The following PCDHA3 variants were observed in gnomAD, a reference collection of about 807,000 sequenced individuals.
PCDHA3 encodes the protein protocadherin alpha 3.
Under a neutral mutation model 62.2 loss-of-function variants are expected in PCDHA3, and 41 were observed. That is an observed-to-expected ratio of 0.66 (90% CI 0.51 to 0.86). PCDHA3 has a LOEUF of 0.86. PCDHA3 is among the 40% of genes least tolerant of loss of function. The pLI, the probability that PCDHA3 is intolerant of heterozygous loss-of-function variation, is 0.00. For missense variants in PCDHA3, 1,304 were observed against 1,241.2 expected (o/e 1.05, Z -0.76); for synonymous variants, 640 against 555.4 (o/e 1.15, Z -2.14).
At chr5:140,987,119 CAGG>C (rs1258206409) in intron 3 of PCDHA3, among the ~76,000 whole-genome samples, 2 of 151,448 alleles carry the variant, frequency 1.3e-5, no homozygotes, top group Non-Finnish European at 2.9e-5. Flanking sequence ...GAGGCTGAGG[CAGG>C]AGAATTGCTT....
chr5:140,990,649 T>C (rs1465284882), intron 3 of PCDHA3, among the ~76,000 whole-genome samples: 1 of 152,212 alleles, frequency 6.6e-6, no homozygotes, highest in African/African-American at 2.4e-5. Context: ...TCAGCCAGTA[T>C]GAATGATTTA....
At chr5:140,873,718 T>C (rs1259445115) in intron 1 of PCDHA3, among the ~76,000 whole-genome samples, 1 of 152,216 alleles carries the variant, frequency 6.6e-6, no homozygotes, top group East Asian at 1.9e-4. Context: ...TGGTGTGCAG[T>C]GGCGCAATCT....
At chr5:140,864,861 G>C (rs2048633310) in intron 1 of PCDHA3, 1 of 152,100 alleles carries the variant, frequency 6.6e-6, no homozygotes, top group African/African-American at 2.4e-5. Flanking sequence ...ATGATGAAGG[G>C]TGATACCATT....
At position 140,841,567 on chromosome 5, in the gene PCDHA3, C is replaced by T. The variant is rs2150318381; in HGVS notation, c.2394+37976C>T. On this transcript the variant is annotated intron_variant, in intron 1 of 3. Transcript: ENST00000522353. ...TTCTGGAGGTAAGTCTGCAGAATGG[C>T]ATTTTGTTTGTGAATTCTCGGATCG... The T allele has an allele frequency of 5.6e-6, 9 of 1,613,816 alleles. No homozygotes were observed. The East Asian group carries it at 6.7e-5, about 12-fold the overall frequency.
chr5:140,981,687 A>ATCAT (rs200213847), intron 2 of PCDHA3, among the ~76,000 whole-genome samples: 1,547 of 152,086 alleles, frequency 0.01, 18 homozygotes, highest in African/African-American at 0.031. Flanking sequence ...CCTCCCTTCC[A>ATCAT]TCATTCATTC....
At chr5:140,856,978 G>A in intron 1 of PCDHA3, 2 of 1,594,578 alleles carry the variant, frequency 1.3e-6, no homozygotes, top group Non-Finnish European at 1.7e-6. Context: ...TTGACTTTGA[G>A]GACAGTAACA....
At position 140,978,971 on chromosome 5, in the gene PCDHA3, G is replaced by T. The variant is rs782774245; in HGVS notation, c.2417G>T (p.Trp806Leu). Residue 806 changes from tryptophan (W) to leucine (L), a missense_variant, in exon 2 of 4, where the codon TGG becomes TTG. Physicochemically the swap from Trp to Leu is moderately conservative, Grantham distance 61 (BLOSUM62 -2). Coordinates refer to ENST00000522353, the MANE Select transcript of PCDHA3 (RefSeq NM_018906.3). ...SAKPRQPNPD[W>L]RYSASLRAGM... is the part of the protein sequence containing the mutation. ...CAGCCACGACAGCCCAACCCTGACT[G>T]GCGTTACTCTGCCTCCCTGAGAGCA... The T allele has an allele frequency of 6.2e-7, 1 of 1,614,170 alleles. No individual in the cohort carries two copies. The highest frequency in any genetic ancestry group is 1.1e-5 in the South Asian group (1 of 91,076).
At chr5:140,887,157 C>T (rs1200573671) in intron 1 of PCDHA3, among the ~76,000 whole-genome samples, 4 of 151,110 alleles carry the variant, frequency 2.6e-5, no homozygotes, top group African/African-American at 9.7e-5. Flanking sequence ...AGTACAGTGG[C>T]GTGATCTCGG....
intron 1 of PCDHA3, chr5:140,875,896 G>C (rs1183868015): frequency 6.2e-7 from 1 of 1,614,078 alleles, no homozygotes; most frequent in African/African-American, 1.3e-5. Context: ...AAAGGTACCT[G>C]TTTCTGAATC....
At chr5:141,007,149 T>G (rs980574316) in intron 3 of PCDHA3, among the ~76,000 whole-genome samples, 12 of 152,084 alleles carry the variant, frequency 7.9e-5, no homozygotes, top group African/African-American at 2.9e-4. Context: ...CAAAGGAAAC[T>G]GTCAAAGAAC....
At chr5:140,830,506 AAC>A in intron 1 of PCDHA3, 2 of 1,430,724 alleles carry the variant, frequency 1.4e-6, no homozygotes, top group Non-Finnish European at 1.9e-6. Flanking sequence ...TTTCATAATT[AAC>A]AGTTAATTTT....
intron 3 of PCDHA3, among the ~76,000 whole-genome samples, chr5:140,993,099 C>T (rs1253807421): frequency 6.6e-6 from 1 of 152,206 alleles, no homozygotes; most frequent in Non-Finnish European, 1.5e-5. Context: ...TATGTTTATT[C>T]AGCGGTCAGT....
At chr5:140,819,111 C>A (rs1193476646) in intron 1 of PCDHA3, among the ~76,000 whole-genome samples, 1 of 152,090 alleles carries the variant, frequency 6.6e-6, no homozygotes, top group Non-Finnish European at 1.5e-5. Context: ...CTCATGGTAT[C>A]CTTTCTTACT....
Position 140,842,183 on chromosome 5 carries a change from A to G in PCDHA3, c.2394+38592A>G, listed in dbSNP as rs1554138845. On this transcript the variant is annotated intron_variant, in intron 1 of 3. Transcript: ENST00000522353. ...TTCTTTTAATAGCCTTGTTGAAACT[A>G]TGGTTATTGACCACTTTAGCATAGA... is the stretch of plus-strand genomic sequence containing the variant. The G allele has an allele frequency of 1.9e-6, 3 of 1,613,754 alleles. No individual in the cohort carries two copies. In the East Asian group the frequency reaches 6.7e-5, roughly 36 times the overall value.
rs892297422 is a variant in PCDHA3, at chr5:140,851,955, G to T, written c.2394+48364G>T. The T allele has an allele frequency of 3.1e-6, 3 of 975,116 alleles. 1 individual carries two copies. Among genetic ancestry groups the T allele is most frequent in the Non-Finnish European group, 3.7e-6 (3 of 807,888 alleles). The allele number at this position is 975,116 out of a possible 1,614,324, so 60.4% of individuals were successfully genotyped here. A position where few individuals can be genotyped will look rare whatever the true frequency, so the allele number is the denominator to read the frequency against. On this transcript the variant is annotated intron_variant, in intron 1 of 3. Transcript: ENST00000522353. Reference sequence around the variant, plus strand: ...ATTGTAGTATGTGACTTTCAAAATGGTGGTTTTCCACACTCTACCTTTAGT... The same window carrying T: ...ATTGTAGTATGTGACTTTCAAAATGTTGGTTTTCCACACTCTACCTTTAGT...
chr5:140,969,508 A>C, intron 1 of PCDHA3: 2 of 1,424,370 alleles, frequency 1.4e-6, no homozygotes, highest in South Asian at 1.5e-5. Context: ...GAAAAATAGC[A>C]CTAAAGAATT....
At chr5:140,829,130 G>C (rs2150162751) in intron 1 of PCDHA3, 2 of 1,612,558 alleles carry the variant, frequency 1.2e-6, no homozygotes, top group Admixed American at 3.3e-5. Flanking sequence ...AAATGATAAC[G>C]TCCCTGAGAT....
chr5:140,979,882 A>C (rs1554241172), intron 2 of PCDHA3, among the ~76,000 whole-genome samples: 1 of 152,274 alleles, frequency 6.6e-6, no homozygotes, highest in Non-Finnish European at 1.5e-5. Context: ...TATCAAGTGA[A>C]TATTCACCAA....
At chr5:140,979,738 G>T (rs754559318) in intron 2 of PCDHA3, among the ~76,000 whole-genome samples, 10 of 152,194 alleles carry the variant, frequency 6.6e-5, no homozygotes, top group East Asian at 1.9e-4. Context: ...CCAAATAAAA[G>T]ATTCATTATT....
Sources: gnomAD v4.1 joint callset for allele counts (sites outside exome capture counted in the v4.1 genomes callset) on GRCh38, gnomAD v4.1.1 for gene constraint, MANE v1.5 for transcripts, NCBI Gene and HGNC (gene_info 2026-07-23, HGNC 2026-07-21) for gene names.